The following IDE variants were observed in gnomAD, a reference collection of about 807,000 sequenced individuals.
The protein encoded by IDE is insulin degrading enzyme.
In IDE, 58 loss-of-function variants were observed where a neutral mutation model predicts 133.2. That is an observed-to-expected ratio of 0.44 (90% CI 0.35 to 0.54). The LOEUF (loss-of-function observed/expected upper bound fraction) is 0.54. Among genes scored for constraint, IDE ranks in the 20% least tolerant of loss-of-function variants. IDE has a pLI of 0.00. For synonymous variants in IDE, 396 were observed against 421.3 expected, an observed-to-expected ratio of 0.94 and a Z score of 0.73; for missense variants, 981 against 1,234.0, an observed-to-expected ratio of 0.79 and a Z score of 3.07.
intron 5 of IDE, among the ~76,000 whole-genome samples, chr10:92,513,251 G>A (rs1212985731): frequency 6.6e-6 from 1 of 152,134 alleles, no homozygotes; most frequent in Non-Finnish European, 1.5e-5. Flanking sequence ...GGAGTGCAGT[G>A]GCACAATCTT....
intron 17 of IDE, among the ~76,000 whole-genome samples, chr10:92,473,671 G>A (rs1846100249): frequency 6.6e-6 from 1 of 151,970 alleles, no homozygotes; most frequent in Non-Finnish European, 1.5e-5. Context: ...TTGAAGTTCA[G>A]CTAACTTTTT....
intron 1 of IDE, among the ~76,000 whole-genome samples, chr10:92,567,379 A>G (rs533934063): frequency 1.3e-5 from 2 of 152,300 alleles, no homozygotes; most frequent in Admixed American, 6.5e-5. Context: ...CATCGTCCCT[A>G]CATCAATCAA....
intron 17 of IDE, among the ~76,000 whole-genome samples, chr10:92,474,157 G>A (rs566666473): frequency 3.9e-5 from 6 of 152,108 alleles, no homozygotes; most frequent in South Asian, 2.1e-4. Flanking sequence ...TCAACTTCCC[G>A]GGCTCAAGCA....
intron 1 of IDE, among the ~76,000 whole-genome samples, chr10:92,542,099 G>A (rs990196612): frequency 2.6e-5 from 4 of 152,156 alleles, no homozygotes; most frequent in African/African-American, 9.7e-5. Flanking sequence ...ACAAAAATGA[G>A]TACACCAGAG....
intron 5 of IDE, among the ~76,000 whole-genome samples, chr10:92,511,655 T>A (rs186349474): frequency 6.6e-6 from 1 of 151,698 alleles, no homozygotes; most frequent in African/African-American, 2.4e-5. Context: ...AGTGTAGGCA[T>A]TTGCATTTTA....
intron 11 of IDE, among the ~76,000 whole-genome samples, chr10:92,492,850 A>T (rs1043927776): frequency 4.6e-5 from 7 of 152,080 alleles, no homozygotes; most frequent in African/African-American, 1.7e-4. Context: ...TCTATTTTTT[A>T]TTCATTCTAG....
chr10:92,456,844 CAAAAAAAAAAAA>C (rs57422406), intron 22 of IDE, among the ~76,000 whole-genome samples: 22 of 52,186 alleles, frequency 4.2e-4, no homozygotes, highest in South Asian at 2.3e-3. Flanking sequence ...GACTCTGTCT[CAAAAAAAAAAAA>C]AAAAAAAAAA....
intron 11 of IDE, among the ~76,000 whole-genome samples, chr10:92,496,058 A>G (rs1351977335): frequency 6.6e-6 from 1 of 151,926 alleles, no homozygotes; most frequent in Admixed American, 6.6e-5. Flanking sequence ...TATTTTTAGT[A>G]GAGATGGGGT....
At chr10:92,534,825 T>G (rs1321829020) in intron 2 of IDE, 40 bp from the exon 3 acceptor site, 1 of 1,476,808 alleles carries the variant, frequency 6.8e-7, no homozygotes, top group East Asian at 2.3e-5. Context: ...CATTGTCCTA[T>G]GCTGAAAGTT....
chr10:92,476,030 A>T, intron 15 of IDE, 36 bp from the exon 16 acceptor site: 3 of 873,064 alleles, frequency 3.4e-6, no homozygotes, highest in Non-Finnish European at 5.5e-6. Flanking sequence ...AAGTCTAAAA[A>T]TATCACAAAA....
chr10:92,510,020 A>G (rs1848501750), intron 6 of IDE, 30 bp downstream of exon 6: 1 of 1,116,502 alleles, frequency 9.0e-7, no homozygotes, highest in African/African-American at 1.5e-5. Context: ...ATAAATTAAG[A>G]AGACAAAATA....
At chr10:92,494,059 C>T (rs948683904) in intron 11 of IDE, among the ~76,000 whole-genome samples, 1 of 151,916 alleles carries the variant, frequency 6.6e-6, no homozygotes, top group Non-Finnish European at 1.5e-5. Flanking sequence ...GACCATCTGC[C>T]GAAAATCTAA....
intron 15 of IDE, among the ~76,000 whole-genome samples, chr10:92,476,457 G>A (rs777375886): frequency 2.6e-5 from 4 of 152,156 alleles, no homozygotes; most frequent in Admixed American, 6.5e-5. Flanking sequence ...TTACAGGTGT[G>A]AGCCACCATG....
At chr10:92,499,287 G>A (rs573477120) in intron 11 of IDE, among the ~76,000 whole-genome samples, 1 of 151,850 alleles carries the variant, frequency 6.6e-6, no homozygotes, top group Non-Finnish European at 1.5e-5. Flanking sequence ...AGGTTCAAGC[G>A]ATTCTCCTGC....
chr10:92,539,722 C>T (rs912759581), intron 1 of IDE, among the ~76,000 whole-genome samples: 2 of 151,952 alleles, frequency 1.3e-5, no homozygotes, highest in African/African-American at 2.4e-5. Flanking sequence ...TGAGGTCAAG[C>T]CACTGCACTC....
chr10:92,528,658 A>G (rs1849756873), intron 4 of IDE, among the ~76,000 whole-genome samples: 1 of 152,244 alleles, frequency 6.6e-6, no homozygotes, highest in South Asian at 2.1e-4. Flanking sequence ...ATTTCTGAGC[A>G]TGAAAACCGA....
chr10:92,559,738 T>TA (rs1491180179), intron 1 of IDE, among the ~76,000 whole-genome samples: 3 of 37,856 alleles, frequency 7.9e-5, no homozygotes, highest in Admixed American at 3.1e-4. Context: ...GAATGGTATA[T>TA]TTTTTTTTTT....
chr10:92,458,070 A>AC (rs1845125036), intron 22 of IDE, among the ~76,000 whole-genome samples: 1 of 152,188 alleles, frequency 6.6e-6, no homozygotes, highest in African/African-American at 2.4e-5. Context: ...AGACAGCAGA[A>AC]CACCTTCTCC....
At chr10:92,536,385 A>C (rs1199697088) in intron 2 of IDE, among the ~76,000 whole-genome samples, 1 of 125,368 alleles carries the variant, frequency 8.0e-6, no homozygotes, top group African/African-American at 4.1e-5. Context: ...CTCCGTCTCA[A>C]AAAAAAAAAA....
Sources: allele counts gnomAD v4.1 joint callset (sites outside exome capture counted in the v4.1 genomes callset), GRCh38; gene constraint gnomAD v4.1.1; transcripts MANE v1.5; gene names NCBI Gene and HGNC (gene_info 2026-07-23, HGNC 2026-07-21).